CDK6: variants seen among roughly 807,000 people sequenced by gnomAD.
CDK6 encodes cyclin-dependent kinase 6.
CDK6 carries 6 observed loss-of-function variants against 37.1 expected under a neutral mutation model. That is an observed-to-expected ratio of 0.16 (90% CI 0.09 to 0.32). The LOEUF (loss-of-function observed/expected upper bound fraction) is 0.32. Ranked by LOEUF, CDK6 falls within the 10% of genes least tolerant of loss-of-function variation. The pLI, the probability that CDK6 is intolerant of heterozygous loss-of-function variation, is 1.00. For synonymous variants in CDK6, 160 were observed against 161.3 expected, an observed-to-expected ratio of 0.99 and a Z score of 0.06; for missense variants, 224 against 418.9, an observed-to-expected ratio of 0.53 and a Z score of 4.06.
intron 5 of CDK6, among the ~76,000 whole-genome samples, chr7:92,652,552 A>G (rs530059647): frequency 1.3e-5 from 2 of 152,190 alleles, no homozygotes; most frequent in South Asian, 4.2e-4. Flanking sequence ...TTCAGGGGGG[A>G]ATTTCTGAGG....
intron 5 of CDK6, among the ~76,000 whole-genome samples, chr7:92,624,644 C>T (rs570949145): frequency 6.6e-5 from 10 of 152,192 alleles, no homozygotes; most frequent in Admixed American, 2.0e-4. Flanking sequence ...TAAAGAATCA[C>T]GAAGTTGCGC....
At chr7:92,762,598 C>T (rs1443290601) in intron 3 of CDK6, among the ~76,000 whole-genome samples, 4 of 147,588 alleles carry the variant, frequency 2.7e-5, no homozygotes, top group East Asian at 4.0e-4. Context: ...GATGGAATCT[C>T]GCTCTGTCAC....
At chr7:92,750,505 G>C (rs1799164276) in intron 3 of CDK6, among the ~76,000 whole-genome samples, 1 of 152,076 alleles carries the variant, frequency 6.6e-6, no homozygotes. Flanking sequence ...TTTCAATTTG[G>C]GTTGCCACTA....
At chr7:92,793,898 G>C (rs1800342133) in intron 2 of CDK6, among the ~76,000 whole-genome samples, 1 of 152,010 alleles carries the variant, frequency 6.6e-6, no homozygotes, top group African/African-American at 2.4e-5. Flanking sequence ...ATGGGTATGG[G>C]GTTTCTTTGA....
intron 3 of CDK6, among the ~76,000 whole-genome samples, chr7:92,757,636 G>A (rs1234332165): frequency 6.6e-6 from 1 of 152,118 alleles, no homozygotes; most frequent in African/African-American, 2.4e-5. Context: ...TGTCTTTATG[G>A]TAGAATGATT....
chr7:92,649,687 C>T (rs1304475747), intron 5 of CDK6, among the ~76,000 whole-genome samples: 3 of 152,142 alleles, frequency 2.0e-5, no homozygotes, highest in South Asian at 2.1e-4. Flanking sequence ...AACTGAGGCA[C>T]GGGTGGTTCT....
chr7:92,713,460 T>A (rs1212752082), intron 4 of CDK6, among the ~76,000 whole-genome samples: 1 of 152,090 alleles, frequency 6.6e-6, no homozygotes, highest in South Asian at 2.1e-4. Context: ...AACCCAAGAT[T>A]TGGTTTCTAT....
intron 2 of CDK6, among the ~76,000 whole-genome samples, chr7:92,798,039 A>G (rs1454538208): frequency 1.3e-5 from 2 of 152,204 alleles, no homozygotes; most frequent in Non-Finnish European, 2.9e-5. Flanking sequence ...GTGGAAATTA[A>G]ATTGAAAATG....
At chr7:92,691,819 C>T (rs559056652) in intron 4 of CDK6, among the ~76,000 whole-genome samples, 81 of 152,288 alleles carry the variant, frequency 5.3e-4, no homozygotes, top group African/African-American at 1.9e-3. Flanking sequence ...AGTACTGAGA[C>T]ACAGATGTCA....
chr7:92,653,697 C>G lies in CDK6; in HGVS notation c.647+17729G>C, dbSNP rs1796627042. Among the ~76,000 whole-genome samples the G allele has an allele frequency of 2.0e-5, 3 of 152,168 alleles. No individual in the cohort carries two copies. The South Asian group carries it at 6.2e-4, about 31-fold the overall frequency. ...TACAGGATCTTTTAATTTGTGTACT[C>G]AAGTTTTTCCTCAGTTTAGGAACAT... is the stretch of plus-strand genomic sequence containing the variant. On this transcript the variant is annotated intron_variant, in intron 5 of 7. Coordinates refer to ENST00000424848, the MANE Select transcript of CDK6 (RefSeq NM_001145306.2).
chr7:92,771,549 C>T (rs1799719340), intron 3 of CDK6, among the ~76,000 whole-genome samples: 1 of 152,126 alleles, frequency 6.6e-6, no homozygotes, highest in Non-Finnish European at 1.5e-5. Context: ...GAAAATACCC[C>T]TAAACTACTT....
At chr7:92,653,816 A>G (rs1796629950) in intron 5 of CDK6, among the ~76,000 whole-genome samples, 1 of 152,062 alleles carries the variant, frequency 6.6e-6, no homozygotes, top group South Asian at 2.1e-4. Context: ...CGTGTTGTCC[A>G]GGCTGGTTTC....
Position 92,607,875 on chromosome 7 carries a change from G to A in CDK6, c.*7265C>T, listed in dbSNP as rs1284809426. On this transcript the variant is annotated 3_prime_UTR_variant, in exon 8 of 8. Coordinates refer to ENST00000424848, the MANE Select transcript of CDK6 (RefSeq NM_001145306.2). ...CATGTGTATATTTTTGCAAACACAG[G>A]ATCAGAATGAAAAGATATATCATGC... 1 of 233,192 alleles carries A rather than the reference G, an allele frequency of 4.3e-6. No homozygotes were observed. The highest frequency in any genetic ancestry group is 8.5e-6 in the Non-Finnish European group (1 of 117,900). The allele number at this position is 233,192 out of a possible 1,614,324, so 14.4% of individuals were successfully genotyped here.
intron 4 of CDK6, among the ~76,000 whole-genome samples, chr7:92,671,967 C>G (rs1465961364): frequency 6.6e-6 from 1 of 150,794 alleles, no homozygotes; most frequent in African/African-American, 2.5e-5. Context: ...GTGTAATGGA[C>G]TTTGGAGACT....
At position 92,784,586 on chromosome 7, in the gene CDK6, A is replaced by G. The variant is rs554798190; in HGVS notation, c.234-9755T>C. On this transcript the variant is annotated intron_variant, in intron 2 of 7. Transcript: ENST00000424848. ...ATGATGGACAAAATAAGGGCCTAACAAGAGTGAATGGACTGAGAGACCCCA... is the reference window on the plus strand; with the variant it reads ...ATGATGGACAAAATAAGGGCCTAACGAGAGTGAATGGACTGAGAGACCCCA... Among the ~76,000 whole-genome samples, 126 of 152,312 alleles carry G rather than the reference A, an allele frequency of 8.3e-4. 1 individual carries two copies. The highest frequency in any genetic ancestry group is 3.4e-3 in the Middle Eastern group (1 of 294).
Position 92,833,062 on chromosome 7 carries a change from G to A in CDK6, c.233+29C>T, listed in dbSNP as rs990262104. 4 of 1,489,938 alleles carry A rather than the reference G, an allele frequency of 2.7e-6. No homozygotes were observed. Among genetic ancestry groups the A allele is most frequent in the Non-Finnish European group, 2.7e-6 (3 of 1,103,556 alleles). 92.3% of individuals were successfully genotyped at this position (1,489,938 alleles called of 1,614,324 possible). A position where few individuals can be genotyped will look rare whatever the true frequency, so the allele number is the denominator to read the frequency against. The stretch of plus-strand genomic sequence containing the variant: ...CCCTCCCCGCGCGCGCGAGGCCCCA[G>A]ATGGCGAGGGCGCAGCTCCCTGGCT... On this transcript the variant is annotated intron_variant, in intron 2 of 7. Coordinates refer to ENST00000424848, the MANE Select transcript of CDK6 (RefSeq NM_001145306.2). This position sits in a 1 kb window ranked among gnomAD's most constrained non-coding sequence, Gnocchi z 6.1.
intron 3 of CDK6, among the ~76,000 whole-genome samples, chr7:92,763,060 AT>A (rs1197830050): frequency 2.6e-5 from 4 of 152,228 alleles, no homozygotes; most frequent in African/African-American, 9.6e-5. Flanking sequence ...AATGATAAAT[AT>A]TTTCTTTGGT....
intron 3 of CDK6, among the ~76,000 whole-genome samples, chr7:92,739,681 T>C (rs1264438193): frequency 6.6e-6 from 1 of 152,254 alleles, no homozygotes; most frequent in Non-Finnish European, 1.5e-5. Flanking sequence ...ATTACTACAA[T>C]GGTGTTCCGA....
At chr7:92,634,982 C>T (rs1250476002) in intron 5 of CDK6, among the ~76,000 whole-genome samples, 1 of 152,096 alleles carries the variant, frequency 6.6e-6, no homozygotes, top group African/African-American at 2.4e-5. Context: ...GACTCTGAAC[C>T]TCCCAGGAGG....
Sources: gnomAD v4.1 joint callset for allele counts (sites outside exome capture counted in the v4.1 genomes callset) on GRCh38, gnomAD v4.1.1 for gene constraint, Gnocchi (gnomAD v3.1) non-coding constraint, MANE v1.5 for transcripts, NCBI Gene and HGNC (gene_info 2026-07-23, HGNC 2026-07-21) for gene names.